The following PDE9A variants were observed in gnomAD, a reference collection of about 807,000 sequenced individuals.
PDE9A encodes the protein phosphodiesterase 9A.
A neutral mutation model predicts 87.4 loss-of-function variants in PDE9A; 60 were observed. The observed-to-expected ratio is 0.69, with a 90% CI of 0.56 to 0.85. The LOEUF (loss-of-function observed/expected upper bound fraction) is 0.85. PDE9A is among the 40% of genes least tolerant of loss of function. PDE9A has a pLI of 0.00. For missense variants in PDE9A, 665 were observed against 779.0 expected, an observed-to-expected ratio of 0.85 and a Z score of 1.74; for synonymous variants, 272 against 279.4, an observed-to-expected ratio of 0.97 and a Z score of 0.27.
intron 1 of PDE9A, among the ~76,000 whole-genome samples, chr21:42,676,372 G>T (rs1449734105): frequency 6.6e-6 from 1 of 152,150 alleles, no homozygotes; most frequent in East Asian, 1.9e-4. Context: ...TCGCCGCAAG[G>T]CTGCCTCTTA....
chr21:42,682,211 G>C lies in PDE9A; in HGVS notation c.70-3981G>C, dbSNP rs138986808. ...CGAATGGGAACTGGTAAGAAGGTACGACCAGTTCAAAAGAGAAATCCAAGA... is the reference window on the plus strand; with the variant it reads ...CGAATGGGAACTGGTAAGAAGGTACCACCAGTTCAAAAGAGAAATCCAAGA... On this transcript the variant is annotated intron_variant, in intron 1 of 19. Coordinates refer to ENST00000291539, the MANE Select transcript of PDE9A (RefSeq NM_002606.3). 8.1e-3 allele frequency among the ~76,000 whole-genome samples: 1,230 copies of C among 152,328 alleles called. 15 individuals carry two copies. The highest frequency in any genetic ancestry group is 0.028 in the African/African-American group (1,148 of 41,562).
chr21:42,682,254 A>G (rs540348135), intron 1 of PDE9A, among the ~76,000 whole-genome samples: 1 of 152,386 alleles, frequency 6.6e-6, no homozygotes, highest in African/African-American at 2.4e-5. Context: ...ATGTATAAGG[A>G]GTGAAGCAAT....
At chr21:42,661,517 C>G (rs2057489505) in intron 1 of PDE9A, among the ~76,000 whole-genome samples, 1 of 152,000 alleles carries the variant, frequency 6.6e-6, no homozygotes, top group Non-Finnish European at 1.5e-5. Flanking sequence ...GCCTCCTTCA[C>G]TCGGATCATG....
chr21:42,697,418 T>C (rs1382242327), intron 3 of PDE9A: 2 of 1,607,680 alleles, frequency 1.2e-6, no homozygotes, highest in Admixed American at 3.3e-5. Context: ...CTTCCAGGAA[T>C]GAGCTCATTC....
intron 1 of PDE9A, among the ~76,000 whole-genome samples, chr21:42,657,510 T>G (rs924431858): frequency 2.0e-5 from 3 of 152,160 alleles, no homozygotes; most frequent in Non-Finnish European, 4.4e-5. Flanking sequence ...GCCCCTACCC[T>G]GGGGGGCCCT....
At position 42,739,667 on chromosome 21, in the gene PDE9A, G is replaced by A. The variant is rs1223832202; in HGVS notation, c.569-4109G>A. ...AGTGAAGCTGTGCTGTGTCACCCAG[G>A]AGGCTTAATTTTAACATCACCTCAA... On this transcript the variant is annotated intron_variant, in intron 7 of 19. Coordinates refer to ENST00000291539, the MANE Select transcript of PDE9A (RefSeq NM_002606.3). The surrounding 1 kb of genome is among the most constrained non-coding windows in gnomAD (Gnocchi z 4.1). 6.6e-6 allele frequency among the ~76,000 whole-genome samples: 1 copy of A among 151,798 alleles called. No individual in the cohort carries two copies. Among genetic ancestry groups the A allele is most frequent in the African/African-American group, 2.4e-5 (1 of 41,308 alleles).
chr21:42,710,965 T>C (rs2049282197), intron 4 of PDE9A, among the ~76,000 whole-genome samples: 1 of 152,140 alleles, frequency 6.6e-6, no homozygotes, highest in Non-Finnish European at 1.5e-5. Flanking sequence ...CCAGCCTGGG[T>C]GACAGAGCAA....
Position 42,731,632 on chromosome 21 carries a change from C to T in PDE9A, c.263-138C>T, listed in dbSNP as rs536783175. The T allele has an allele frequency of 3.1e-5, 27 of 880,156 alleles. No individual in the cohort carries two copies. In the African/African-American group the frequency reaches 3.2e-4, roughly 10 times the overall value. 54.5% of individuals were successfully genotyped at this position (880,156 alleles called of 1,614,324 possible). On this transcript the variant is annotated intron_variant, in intron 4 of 19. Transcript: ENST00000291539. ...CAGGCCTGCCTCCCCCGTGCAGACC[C>T]GCCGTGAGAACACCGTGTTCTGAAT...
At chr21:42,678,719 C>T (rs932674922) in intron 1 of PDE9A, among the ~76,000 whole-genome samples, 4 of 152,260 alleles carry the variant, frequency 2.6e-5, no homozygotes, top group Non-Finnish European at 5.9e-5. Context: ...AACTGATGGA[C>T]GGCAAACAGC....
In PDE9A at chr21:42,716,250, A is replaced by G. The variant is rs1269340388; in HGVS notation, c.263-15520A>G. On this transcript the variant is annotated intron_variant, in intron 4 of 19. Transcript: ENST00000291539. ...TTTTAACACATTTGGATAAATACCA[A>G]GAAGCACAATTGCTGGATCTTTTGG... Among the ~76,000 whole-genome samples, 2 of 151,832 alleles carry G rather than the reference A, an allele frequency of 1.3e-5. 1 individual carries two copies. The highest frequency in any genetic ancestry group is 2.9e-5 in the Non-Finnish European group (2 of 67,922).
At chr21:42,761,263 C>G (rs889158357) in intron 13 of PDE9A, among the ~76,000 whole-genome samples, 2 of 152,270 alleles carry the variant, frequency 1.3e-5, no homozygotes, top group Admixed American at 6.5e-5. Context: ...CCACACCCCC[C>G]TCTCAGGAGC....
chr21:42,752,459 G>C (rs185213885), intron 9 of PDE9A, among the ~76,000 whole-genome samples: 1 of 152,228 alleles, frequency 6.6e-6, no homozygotes, highest in Admixed American at 6.5e-5. Flanking sequence ...AGTAGAGACG[G>C]TGTTTCACCG....
intron 4 of PDE9A, among the ~76,000 whole-genome samples, chr21:42,712,132 G>A (rs933128284): frequency 6.6e-6 from 1 of 151,934 alleles, no homozygotes; most frequent in Non-Finnish European, 1.5e-5. Flanking sequence ...GGGGAGGGTA[G>A]TGTCTTAACC....
intron 9 of PDE9A, among the ~76,000 whole-genome samples, chr21:42,752,835 GAT>G: frequency 6.6e-6 from 1 of 152,338 alleles, no homozygotes; most frequent in South Asian, 2.1e-4. Context: ...CCTAAAGCCT[GAT>G]GTCCTCAGAA....
intron 4 of PDE9A, among the ~76,000 whole-genome samples, chr21:42,729,767 A>G (rs2051527428): frequency 6.6e-6 from 1 of 152,112 alleles, no homozygotes. Flanking sequence ...CCCTTAAGTT[A>G]TTTAGAAGTG....
rs1363253948 is a variant in PDE9A at position 42,731,851 on chromosome 21, A to G, written c.344A>G (p.Glu115Gly). The change falls in exon 5 of 20, where the codon GAG (glutamate) becomes GGG (glycine). Residue 115 changes from glutamate to glycine, a missense_variant. By Grantham distance (98) the Glu-to-Gly change is moderately conservative. Transcript: ENST00000291539. ...AGGGACAGACGGGTTGTGGGCCTGG[A>G]GCAGCCCCGGAGGGAAGGAGCATTT... Reference protein sequence around the residue: ...PLRDRRVVGLEQPRREGAFES... With the variant: ...PLRDRRVVGLGQPRREGAFES... The G allele has an allele frequency of 6.2e-7, 1 of 1,614,074 alleles. No homozygotes were observed. Among genetic ancestry groups the G allele is most frequent in the African/African-American group, 1.3e-5 (1 of 74,942 alleles).
chr21:42,711,327 T>C (rs1054641368), intron 4 of PDE9A, among the ~76,000 whole-genome samples: 1 of 150,720 alleles, frequency 6.6e-6, no homozygotes, highest in Non-Finnish European at 1.5e-5. Context: ...ATAAGCTCAC[T>C]GCAACCTCCG....
intron 1 of PDE9A, among the ~76,000 whole-genome samples, chr21:42,672,801 G>A (rs1387024744): frequency 1.3e-5 from 2 of 152,242 alleles, no homozygotes; most frequent in Non-Finnish European, 2.9e-5. Flanking sequence ...TGTGGACACA[G>A]TTGGATGTGG....
At chr21:42,657,135 T>G (rs932364436) in intron 1 of PDE9A, among the ~76,000 whole-genome samples, 3 of 152,326 alleles carry the variant, frequency 2.0e-5, no homozygotes, top group African/African-American at 7.2e-5. Context: ...GTGGGCTTTG[T>G]GGGGAAGGAG....
Sources: gnomAD v4.1 joint callset for allele counts (sites outside exome capture counted in the v4.1 genomes callset) on GRCh38, gnomAD v4.1.1 for gene constraint, Gnocchi (gnomAD v3.1) non-coding constraint, MANE v1.5 for transcripts, NCBI Gene and HGNC (gene_info 2026-07-23, HGNC 2026-07-21) for gene names.